ZNF131: variants seen among roughly 807,000 people sequenced by gnomAD.
The protein encoded by ZNF131 is zinc finger protein 131.
ZNF131 carries 7 observed loss-of-function variants against 60.0 expected under a neutral mutation model. The observed-to-expected ratio is 0.12, with a 90% CI of 0.07 to 0.22. The LOEUF is 0.22. Among genes scored for constraint, ZNF131 ranks in the 10% least tolerant of loss-of-function variants. The probability of loss-of-function intolerance (pLI) is 1.00; values close to 1 mark genes in which losing one functional copy is unlikely to be tolerated. For synonymous variants in ZNF131, 257 were observed against 253.2 expected (o/e 1.01, Z -0.14); for missense variants, 493 against 740.9 (o/e 0.67, Z 3.88).
At chr5:43,140,144 T>C (rs1011519786) in intron 4 of ZNF131, among the ~76,000 whole-genome samples, 1 of 152,052 alleles carries the variant, frequency 6.6e-6, no homozygotes, top group African/African-American at 2.4e-5. Context: ...CACCTGAGCC[T>C]GGCAAGGTTG....
At position 43,175,224 on chromosome 5, in the gene ZNF131, A is replaced by G. The variant is rs559417404; in HGVS notation, c.*91A>G. ...CTGTCCTTAATTAAGCCTAACAGACAAGTGGACCAAAGTTAAGCTGTTTCC... is the reference window on the plus strand; with the variant it reads ...CTGTCCTTAATTAAGCCTAACAGACGAGTGGACCAAAGTTAAGCTGTTTCC... On this transcript the variant is annotated 3_prime_UTR_variant, in exon 7 of 7. Transcript: ENST00000682664. 1.2e-4 allele frequency: 145 copies of G among 1,257,482 alleles called. 2 individuals carry two copies. The South Asian group carries it at 2.1e-3, about 18-fold the overall frequency. 77.9% of individuals were successfully genotyped at this position (1,257,482 alleles called of 1,614,324 possible). A position where few individuals can be genotyped will look rare whatever the true frequency, so the allele number is the denominator to read the frequency against.
intron 3 of ZNF131, among the ~76,000 whole-genome samples, chr5:43,130,598 CTT>C (rs1371331659): frequency 1.3e-5 from 2 of 152,122 alleles, no homozygotes; most frequent in East Asian, 3.9e-4. Context: ...GCGTTTTGCT[CTT>C]GTTGCCCAGG....
chr5:43,155,906 G>T (rs773722885), intron 4 of ZNF131, among the ~76,000 whole-genome samples: 45 of 152,154 alleles, frequency 3.0e-4, no homozygotes, highest in Non-Finnish European at 5.1e-4. Context: ...CTTTGAGACT[G>T]AGACTTCTGA....
intron 5 of ZNF131, chr5:43,168,072 C>T (rs1561446883): frequency 2.5e-6 from 1 of 396,690 alleles, no homozygotes; most frequent in South Asian, 1.9e-5. Flanking sequence ...TCTTACTCTT[C>T]TTTTAAAGCC....
chr5:43,149,220 G>A (rs549012915), intron 4 of ZNF131, among the ~76,000 whole-genome samples: 7 of 151,844 alleles, frequency 4.6e-5, no homozygotes, highest in Non-Finnish European at 5.9e-5. Flanking sequence ...GCAGTGAGCC[G>A]AGATCGTGCC....
intron 5 of ZNF131, among the ~76,000 whole-genome samples, chr5:43,164,444 GT>G (rs1750112969): frequency 6.6e-6 from 1 of 152,154 alleles, no homozygotes; most frequent in South Asian, 2.1e-4. Context: ...TGGTAATTGG[GT>G]TAATTATGCA....
At chr5:43,146,016 T>G (rs1359183999) in intron 4 of ZNF131, among the ~76,000 whole-genome samples, 3 of 152,186 alleles carry the variant, frequency 2.0e-5, no homozygotes, top group Non-Finnish European at 4.4e-5. Flanking sequence ...ATATTTGTCA[T>G]CAAAGGAGTG....
intron 5 of ZNF131, chr5:43,172,982 A>C (rs1362171954): frequency 1.1e-5 from 2 of 175,974 alleles, no homozygotes; most frequent in Non-Finnish European, 2.4e-5. Flanking sequence ...TGCAGAAAGG[A>C]AAATGATGCA....
At chr5:43,140,455 G>T (rs1301838428) in intron 4 of ZNF131, among the ~76,000 whole-genome samples, 2 of 152,164 alleles carry the variant, frequency 1.3e-5, no homozygotes, top group Non-Finnish European at 2.9e-5. Flanking sequence ...TTCTACATGG[G>T]ATTTGATTGT....
chr5:43,175,005 G>A lies in ZNF131; in HGVS notation c.1744G>A (p.Ala582Thr), dbSNP rs1160308490. The change falls in exon 7 of 7, where the codon GCA becomes ACA. Residue 582 changes from alanine to threonine, a missense_variant. By Grantham distance (58) the Ala-to-Thr change is moderately conservative (BLOSUM62 0). Transcript: ENST00000682664. ...CCAAGAGGAGAGAGAGTCTAGCCAA[G>A]CAGATGCTGCTGAGGCTGCCAGGGA... ...MNQEERESSQ[A>T]DAAEAAREDH... 1.2e-6 allele frequency: 2 copies of A among 1,614,020 alleles called. No homozygotes were observed. The highest frequency in any genetic ancestry group is 2.2e-5 in the East Asian group (1 of 44,892).
chr5:43,125,323 A>C (rs1375685626), intron 3 of ZNF131, among the ~76,000 whole-genome samples: 1 of 151,342 alleles, frequency 6.6e-6, no homozygotes, highest in East Asian at 2.0e-4. Flanking sequence ...TTTTGGAGAT[A>C]GATTTTAGCT....
At chr5:43,129,526 A>G (rs1745026069) in intron 3 of ZNF131, among the ~76,000 whole-genome samples, 1 of 152,238 alleles carries the variant, frequency 6.6e-6, no homozygotes, top group African/African-American at 2.4e-5. Flanking sequence ...GAAAAACATA[A>G]TACTCACAAA....
chr5:43,166,913 C>T (rs1579899246), intron 5 of ZNF131, among the ~76,000 whole-genome samples: 1 of 152,224 alleles, frequency 6.6e-6, no homozygotes, highest in Non-Finnish European at 1.5e-5. Flanking sequence ...CCGCCTCAGC[C>T]TCCCAGAGTG....
intron 4 of ZNF131, among the ~76,000 whole-genome samples, chr5:43,159,970 A>G (rs919737134): frequency 3.9e-5 from 6 of 152,016 alleles, no homozygotes; most frequent in African/African-American, 1.2e-4. Context: ...AGGTCAGGAA[A>G]TCGAGACCAT....
At chr5:43,144,069 C>G (rs1434995738) in intron 4 of ZNF131, among the ~76,000 whole-genome samples, 1 of 150,680 alleles carries the variant, frequency 6.6e-6, no homozygotes, top group African/African-American at 2.4e-5. Flanking sequence ...ACTACAGGCA[C>G]TCGCCACCAC....
At chr5:43,155,934 TATC>T (rs1417186603) in intron 4 of ZNF131, among the ~76,000 whole-genome samples, 1 of 152,124 alleles carries the variant, frequency 6.6e-6, no homozygotes, top group African/African-American at 2.4e-5. Flanking sequence ...GTCAACAGGA[TATC>T]ATCAATATAT....
chr5:43,151,027 C>T (rs1748238931), intron 4 of ZNF131, among the ~76,000 whole-genome samples: 1 of 152,128 alleles, frequency 6.6e-6, no homozygotes, highest in African/African-American at 2.4e-5. Context: ...TAGCCCTGGG[C>T]ATTAGTCTAA....
chr5:43,163,123 C>G (rs923252543), intron 5 of ZNF131, among the ~76,000 whole-genome samples: 2 of 151,402 alleles, frequency 1.3e-5, no homozygotes, highest in Non-Finnish European at 2.9e-5. Context: ...CAGGCGAGCA[C>G]CACCACGCCC....
At chr5:43,148,728 G>A (rs1248151653) in intron 4 of ZNF131, among the ~76,000 whole-genome samples, 3 of 152,158 alleles carry the variant, frequency 2.0e-5, no homozygotes, top group African/African-American at 4.8e-5. Flanking sequence ...TGTTATTGTA[G>A]TATTAATATT....
Sources: gnomAD v4.1 joint callset for allele counts (sites outside exome capture counted in the v4.1 genomes callset) on GRCh38, gnomAD v4.1.1 for gene constraint, MANE v1.5 for transcripts, NCBI Gene and HGNC (gene_info 2026-07-23, HGNC 2026-07-21) for gene names.